The following ADARB2 variants were observed in gnomAD, a reference collection of about 807,000 sequenced individuals.
The protein encoded by ADARB2 is adenosine deaminase RNA specific B2 (inactive), also known as inactive double-stranded RNA-specific editase B2.
A neutral mutation model predicts 62.2 loss-of-function variants in ADARB2; 25 were observed. The ratio of observed to expected loss-of-function variants is 0.40; its 90% CI spans 0.29 to 0.56. The LOEUF is 0.56. ADARB2 is among the 20% of genes least tolerant of loss of function. ADARB2 has a pLI of 0.43. For missense variants in ADARB2, 1,071 were observed against 1,077.4 expected (o/e 0.99, Z 0.08); for synonymous variants, 572 against 500.8 (o/e 1.14, Z -1.90).
intron 1 of ADARB2, chr10:1,394,807 C>T: frequency 2.2e-6 from 1 of 456,604 alleles, no homozygotes; most frequent in Non-Finnish European, 4.4e-6. Context: ...AGGGGAGGAG[C>T]TGCTTCCCCT....
intron 1 of ADARB2, among the ~76,000 whole-genome samples, chr10:1,414,942 A>G (rs2131881483): frequency 6.6e-6 from 1 of 152,074 alleles, no homozygotes; most frequent in Non-Finnish European, 1.5e-5. Context: ...GGATGGATGG[A>G]TGGTGGATGG....
intron 1 of ADARB2, among the ~76,000 whole-genome samples, chr10:1,419,705 G>A (rs751697135): frequency 1.3e-4 from 20 of 152,294 alleles, no homozygotes; most frequent in Non-Finnish European, 7.4e-5. Context: ...GAATTATATC[G>A]TCCAAGGTTA....
chr10:1,388,939 C>T (rs192312353), intron 1 of ADARB2, among the ~76,000 whole-genome samples: 6 of 152,174 alleles, frequency 3.9e-5, no homozygotes, highest in East Asian at 1.9e-4. Flanking sequence ...GTAGTAATGG[C>T]GTAAGGCTAG....
chr10:1,275,689 A>G (rs1831309615), intron 3 of ADARB2, among the ~76,000 whole-genome samples: 1 of 113,654 alleles, frequency 8.8e-6, no homozygotes, highest in Admixed American at 1.3e-4. Flanking sequence ...CCCGGTTGTG[A>G]TGTTCCCCTT....
chr10:1,651,238 C>A (rs1381316999), intron 1 of ADARB2, among the ~76,000 whole-genome samples: 2 of 152,236 alleles, frequency 1.3e-5, no homozygotes, highest in Non-Finnish European at 2.9e-5. Flanking sequence ...TCTGATGGCT[C>A]CATTAGGAAC....
intron 2 of ADARB2, among the ~76,000 whole-genome samples, chr10:1,370,145 C>T (rs75112523): frequency 0.019 from 2,881 of 152,186 alleles, 40 homozygotes; most frequent in Middle Eastern, 0.041. Flanking sequence ...AGGATGAATC[C>T]GCATCTACAA....
intron 1 of ADARB2, among the ~76,000 whole-genome samples, chr10:1,625,804 C>T (rs1485894853): frequency 1.3e-5 from 2 of 148,254 alleles, no homozygotes; most frequent in Non-Finnish European, 3.0e-5. Context: ...TCCTGCTGAG[C>T]TGTGGCCTTC....
rs751122154 is a variant in ADARB2 at position 1,242,123 on chromosome 10, C to G, written c.1361+8G>C. 1.4e-5 allele frequency: 23 copies of G among 1,594,330 alleles called. No homozygotes were observed. The Admixed American group carries it at 3.5e-4, about 25-fold the overall frequency. On this transcript the variant is annotated splice_region_variant and intron_variant, in intron 5 of 9. Coordinates refer to ENST00000381312, the MANE Select transcript of ADARB2 (RefSeq NM_018702.4). ...CGCCTTCCCTGGAGCCCGTCCCCAG[C>G]CGCTCACCTCAGGTGCAGCTCCAGC...
intron 1 of ADARB2, among the ~76,000 whole-genome samples, chr10:1,623,626 G>C (rs7086346): frequency 6.6e-6 from 1 of 152,130 alleles, no homozygotes; most frequent in East Asian, 1.9e-4. Context: ...TGTCTGTCCC[G>C]TTGTACCGTC....
At chr10:1,331,793 AT>A (rs562041987) in intron 3 of ADARB2, among the ~76,000 whole-genome samples, 3 of 152,264 alleles carry the variant, frequency 2.0e-5, no homozygotes, top group South Asian at 4.1e-4. Flanking sequence ...AAAGTTCTAG[AT>A]TTTTTTCCTT....
chr10:1,713,308 A>G (rs1381168782), intron 1 of ADARB2, among the ~76,000 whole-genome samples: 1 of 152,206 alleles, frequency 6.6e-6, no homozygotes, highest in Non-Finnish European at 1.5e-5. Context: ...TCTTCCCCGG[A>G]CCGGCATCCA....
At chr10:1,510,156 CTT>C (rs760388365) in intron 1 of ADARB2, among the ~76,000 whole-genome samples, 5 of 109,092 alleles carry the variant, frequency 4.6e-5, no homozygotes, top group African/African-American at 1.9e-4. Context: ...TTCTTTCTTT[CTT>C]TCTTTCTTTC....
intron 7 of ADARB2, among the ~76,000 whole-genome samples, chr10:1,210,822 T>C (rs1235756758): frequency 6.6e-6 from 1 of 152,054 alleles, no homozygotes; most frequent in African/African-American, 2.4e-5. Flanking sequence ...TGGGGACAGT[T>C]GGAAGCAGCC....
At chr10:1,489,210 C>T (rs2131930405) in intron 1 of ADARB2, among the ~76,000 whole-genome samples, 1 of 152,224 alleles carries the variant, frequency 6.6e-6, no homozygotes, top group South Asian at 2.1e-4. Flanking sequence ...TGGAGGCCCA[C>T]GGATGCATCT....
At chr10:1,493,638 T>C (rs1024010913) in intron 1 of ADARB2, among the ~76,000 whole-genome samples, 1 of 149,650 alleles carries the variant, frequency 6.7e-6, no homozygotes, top group African/African-American at 2.5e-5. Context: ...GAGAGGACCA[T>C]ACTATAAGAC....
intron 1 of ADARB2, among the ~76,000 whole-genome samples, chr10:1,459,274 T>C (rs1014035857): frequency 2.0e-5 from 3 of 152,154 alleles, no homozygotes; most frequent in Non-Finnish European, 4.4e-5. Flanking sequence ...GGAATCAACA[T>C]AAATGTCCAT....
intron 1 of ADARB2, chr10:1,675,852 T>C: frequency 1.4e-6 from 1 of 740,680 alleles, no homozygotes; most frequent in Non-Finnish European, 1.6e-6. Context: ...CTCTGATCCC[T>C]GCAGGAGGGC....
At chr10:1,539,021 G>T (rs1016215726) in intron 1 of ADARB2, among the ~76,000 whole-genome samples, 1 of 152,160 alleles carries the variant, frequency 6.6e-6, no homozygotes, top group African/African-American at 2.4e-5. Context: ...AGACCTGCCT[G>T]GCTCCACACA....
intron 6 of ADARB2, 66 bp from the exon 7 acceptor site, chr10:1,217,185 A>G (rs1830637117): frequency 1.4e-5 from 20 of 1,442,758 alleles, no homozygotes; most frequent in Non-Finnish European, 1.9e-5. Context: ...GAGGTGGGAG[A>G]AGAGGAAGGA....
Sources: gnomAD v4.1 joint callset for allele counts (sites outside exome capture counted in the v4.1 genomes callset) on GRCh38, gnomAD v4.1.1 for gene constraint, MANE v1.5 for transcripts, NCBI Gene and HGNC (gene_info 2026-07-23, HGNC 2026-07-21) for gene names.